EPHA7: variants seen among roughly 807,000 people sequenced by gnomAD.
EPHA7 encodes the protein EPH receptor A7.
A neutral mutation model predicts 112.6 loss-of-function variants in EPHA7; 25 were observed. That is an observed-to-expected ratio of 0.22 (90% CI 0.16 to 0.31). The LOEUF (loss-of-function observed/expected upper bound fraction) is 0.31, where lower values mean the gene tolerates loss of function less well. EPHA7 is among the 10% of genes least tolerant of loss of function. The pLI is 1.00. For missense variants in EPHA7, 962 were observed against 1,212.6 expected, an observed-to-expected ratio of 0.79 and a Z score of 3.07; for synonymous variants, 437 against 406.5, an observed-to-expected ratio of 1.07 and a Z score of -0.90.
chr6:93,296,917 T>A (rs1167489256), intron 5 of EPHA7, among the ~76,000 whole-genome samples: 1 of 151,990 alleles, frequency 6.6e-6, no homozygotes, highest in Non-Finnish European at 1.5e-5. Flanking sequence ...TGTGTTTGGA[T>A]TCCTGCTAAA....
chr6:93,383,450 C>T (rs767114419), intron 3 of EPHA7, among the ~76,000 whole-genome samples: 14 of 151,910 alleles, frequency 9.2e-5, no homozygotes, highest in Non-Finnish European at 1.9e-4. Context: ...TTAAGTAGCT[C>T]GCCCAAGGTC....
chr6:93,371,095 C>T (rs1207233843), intron 3 of EPHA7, among the ~76,000 whole-genome samples: 3 of 151,180 alleles, frequency 2.0e-5, no homozygotes, highest in African/African-American at 7.3e-5. Flanking sequence ...ACCCAGGAGG[C>T]GGAGCTTGCA....
chr6:93,293,811 G>T (rs565790498), intron 5 of EPHA7, among the ~76,000 whole-genome samples: 1 of 152,094 alleles, frequency 6.6e-6, no homozygotes, highest in African/African-American at 2.4e-5. Context: ...TGTTAATTAT[G>T]GTTCCTTTGT....
rs918467898 is a variant in EPHA7 at position 93,345,659 on chromosome 6, C to T, written c.1324+11058G>A. Among the ~76,000 whole-genome samples, 6 of 151,804 alleles carry T rather than the reference C, an allele frequency of 4.0e-5. No homozygotes were observed. In the South Asian group the frequency reaches 1.2e-3, roughly 31 times the overall value. On this transcript the variant is annotated intron_variant, in intron 5 of 16. Coordinates refer to ENST00000369303, the MANE Select transcript of EPHA7 (RefSeq NM_004440.4). ...ACAAAGGGAACCAAAGTCATAAAAA[C>T]AGTTAAAATTCAAACAAGTAACAAT...
At chr6:93,309,468 C>T (rs1773422220) in intron 5 of EPHA7, among the ~76,000 whole-genome samples, 1 of 151,840 alleles carries the variant, frequency 6.6e-6, no homozygotes, top group African/African-American at 2.4e-5. Flanking sequence ...CACTTATAAT[C>T]ATAATTAAAA....
At chr6:93,317,772 T>G (rs530512934) in intron 5 of EPHA7, among the ~76,000 whole-genome samples, 1 of 152,108 alleles carries the variant, frequency 6.6e-6, no homozygotes, top group Non-Finnish European at 1.5e-5. Context: ...CTTGGTTGTG[T>G]CTAGCACCTA....
intron 5 of EPHA7, among the ~76,000 whole-genome samples, chr6:93,300,098 A>C (rs1053687788): frequency 1.3e-5 from 2 of 152,186 alleles, no homozygotes; most frequent in Non-Finnish European, 2.9e-5. Flanking sequence ...TCTACATAAC[A>C]AACCTGCGCA....
intron 3 of EPHA7, among the ~76,000 whole-genome samples, chr6:93,381,937 T>C (rs2127971771): frequency 6.6e-6 from 1 of 152,280 alleles, no homozygotes; most frequent in Non-Finnish European, 1.5e-5. Context: ...TCCACTTTAA[T>C]CCAGCTTTCT....
intron 5 of EPHA7, among the ~76,000 whole-genome samples, chr6:93,347,793 T>C (rs1346272687): frequency 6.6e-6 from 1 of 151,698 alleles, no homozygotes; most frequent in African/African-American, 2.4e-5. Context: ...AAGTATACAG[T>C]TACATTGGGG....
At chr6:93,359,854 TAG>T (rs57690732) in intron 3 of EPHA7, among the ~76,000 whole-genome samples, 4,689 of 125,228 alleles carry the variant, frequency 0.037, 106 homozygotes, top group African/African-American at 0.067. Flanking sequence ...CAATAGATGA[TAG>T]AGAGAGAGAG....
chr6:93,396,853 C>G (rs1247099862), intron 3 of EPHA7, among the ~76,000 whole-genome samples: 1 of 151,542 alleles, frequency 6.6e-6, no homozygotes. Flanking sequence ...AATAAATTCA[C>G]TAAAAATGAA....
chr6:93,341,927 T>C (rs1015627792), intron 5 of EPHA7, among the ~76,000 whole-genome samples: 14 of 151,792 alleles, frequency 9.2e-5, no homozygotes, highest in African/African-American at 3.1e-4. Context: ...AAAAAATTCA[T>C]AGGCATACTT....
At chr6:93,250,878 C>A (rs1770177727) in intron 14 of EPHA7, among the ~76,000 whole-genome samples, 2 of 152,100 alleles carry the variant, frequency 1.3e-5, no homozygotes, top group Non-Finnish European at 1.5e-5. Flanking sequence ...CTCTGGGACA[C>A]AACAGGGACC....
rs1337239729 is a variant in EPHA7, at chr6:93,419,325, C to A, written c.17G>T (p.Arg6Leu). 13 of 1,613,834 alleles carry A rather than the reference C, an allele frequency of 8.1e-6. No individual in the cohort carries two copies. The highest frequency in any genetic ancestry group is 4.0e-5 in the African/African-American group (3 of 74,920). ...GCATAAAATAATCCATGAAGGGTACCGAGTTTGAAAAACCATGGTGCATGA... is the reference window on the plus strand; with the variant it reads ...GCATAAAATAATCCATGAAGGGTACAGAGTTTGAAAAACCATGGTGCATGA... MVFQT[R>L]YPSWIILCYI... Residue 6 changes from arginine (R) to leucine (L), a missense_variant, in exon 1 of 17, where the codon CGG (arginine) becomes CTG (leucine). Physicochemically the swap from Arg to Leu is moderately radical, Grantham distance 102 (BLOSUM62 -2). Coordinates refer to ENST00000369303, the MANE Select transcript of EPHA7 (RefSeq NM_004440.4).
chr6:93,409,224 A>G (rs1244488682), intron 3 of EPHA7, among the ~76,000 whole-genome samples: 1 of 152,094 alleles, frequency 6.6e-6, no homozygotes, highest in Middle Eastern at 3.2e-3. Context: ...AAACACTATG[A>G]GCCTTGAAAC....
chr6:93,372,672 T>C (rs964837201), intron 3 of EPHA7, among the ~76,000 whole-genome samples: 11 of 152,102 alleles, frequency 7.2e-5, no homozygotes, highest in Non-Finnish European at 1.0e-4. Context: ...TAAATTTTCC[T>C]TCTAAGTTAT....
At chr6:93,295,901 C>G (rs943760011) in intron 5 of EPHA7, among the ~76,000 whole-genome samples, 9 of 151,782 alleles carry the variant, frequency 5.9e-5, no homozygotes, top group African/African-American at 1.5e-4. Flanking sequence ...TTTAGCTATT[C>G]TTAGCCATTT....
chr6:93,390,095 A>G (rs1777826767), intron 3 of EPHA7, among the ~76,000 whole-genome samples: 1 of 151,938 alleles, frequency 6.6e-6, no homozygotes, highest in Non-Finnish European at 1.5e-5. Context: ...GCTGTCACTC[A>G]ATGGAAAGTA....
At chr6:93,276,670 A>C (rs1771487331) in intron 5 of EPHA7, among the ~76,000 whole-genome samples, 1 of 152,122 alleles carries the variant, frequency 6.6e-6, no homozygotes. Flanking sequence ...TTTTTATGAA[A>C]TTATGAAAAC....
Sources: allele counts gnomAD v4.1 joint callset (sites outside exome capture counted in the v4.1 genomes callset), GRCh38; gene constraint gnomAD v4.1.1; transcripts MANE v1.5; gene names NCBI Gene and HGNC (gene_info 2026-07-23, HGNC 2026-07-21).